SERHL2: variants seen among roughly 807,000 people sequenced by gnomAD.
The protein encoded by SERHL2 is serine hydrolase-like protein 2.
In SERHL2, 29 loss-of-function variants were observed where a neutral mutation model predicts 25.5. The observed-to-expected ratio is 1.14, with a 90% CI of 0.85 to 1.55. The LOEUF (loss-of-function observed/expected upper bound fraction) is 1.55. Among genes scored for constraint, SERHL2 ranks in the 40% most tolerant of loss-of-function variants. The probability of loss-of-function intolerance (pLI) is 0.00; values close to 1 mark genes in which losing one functional copy is unlikely to be tolerated. For synonymous variants in SERHL2, 95 were observed against 103.5 expected, an observed-to-expected ratio of 0.92 and a Z score of 0.50; for missense variants, 240 against 252.3, an observed-to-expected ratio of 0.95 and a Z score of 0.33.
intron 1 of SERHL2, among the ~76,000 whole-genome samples, chr22:42,554,485 C>A (rs1921990418): frequency 6.6e-6 from 1 of 152,188 alleles, no homozygotes; most frequent in Admixed American, 6.5e-5. Flanking sequence ...GTGGTCCCAC[C>A]TGCTGCGTGT....
In SERHL2 at chr22:42,571,057, G is replaced by A. The variant is rs1924105631; in HGVS notation, c.649-64G>A. ...GACTTAGCCACCCCAACAGAGATGG[G>A]TTTCGTGCCCACGAGAGTGCCTGTG... On this transcript the variant is annotated intron_variant, in intron 9 of 11. Coordinates refer to ENST00000327678, the MANE Select transcript of SERHL2 (RefSeq NM_014509.5). The A allele has an allele frequency of 2.5e-5, 41 of 1,609,316 alleles. 1 individual carries two copies. The highest frequency in any genetic ancestry group is 2.0e-4 in the South Asian group (18 of 90,742).
At chr22:42,573,551 C>T (rs1450161266) in intron 11 of SERHL2, 6 of 214,936 alleles carry the variant, frequency 2.8e-5, no homozygotes, top group East Asian at 1.4e-4. Context: ...TGAGCCACTG[C>T]GCCCGGCCCT....
At chr22:42,566,386 G>A (rs376618622) in intron 9 of SERHL2, 48 bp downstream of exon 9, 142 of 1,596,892 alleles carry the variant, frequency 8.9e-5, no homozygotes, top group East Asian at 5.6e-4. Flanking sequence ...GCCTGTTAGC[G>A]TCTTTGTCGT....
intron 8 of SERHL2, among the ~76,000 whole-genome samples, 182 bp downstream of exon 8, chr22:42,560,447 A>G (rs1367541855): frequency 1.3e-5 from 2 of 152,018 alleles, no homozygotes; most frequent in South Asian, 2.1e-4. Context: ...AGCATTGCCA[A>G]GCAACCCGGG....
At position 42,554,029 on chromosome 22, in the gene SERHL2, G is replaced by A; in HGVS notation, c.9G>A (p.Glu3=). Residue 3 remains glutamate (E), a synonymous_variant, in exon 1 of 12, where the codon GAG becomes GAA. Transcript: ENST00000327678. The stretch of plus-strand genomic sequence containing the variant: ...TTCGCGGGACGAGAGCGATGAGTGA[G>A]AACGCCGCACCAGGTCTGACGGGGA... MS[E]NAAPGLISEL... 6.2e-7 allele frequency: 1 copy of A among 1,613,660 alleles called. No homozygotes were observed. The highest frequency in any genetic ancestry group is 8.5e-7 in the Non-Finnish European group (1 of 1,179,822).
rs1161252241 is a variant in SERHL2 at position 42,573,838 on chromosome 22, G to C, written c.826-98G>C. 3 of 1,151,792 alleles carry C rather than the reference G, an allele frequency of 2.6e-6. No homozygotes were observed. In the Admixed American group the frequency reaches 6.5e-5, roughly 25 times the overall value. 71.3% of individuals were successfully genotyped at this position (1,151,792 alleles called of 1,614,324 possible). A position where few individuals can be genotyped will look rare whatever the true frequency, so the allele number is the denominator to read the frequency against. ...TGTGGGAGGCGCTCCTGACCTGCAG[G>C]GAGCTGGAATGCTGTGGGAGGGCCC... is the stretch of plus-strand genomic sequence containing the variant. On this transcript the variant is annotated intron_variant, in intron 11 of 11. Coordinates refer to ENST00000327678, the MANE Select transcript of SERHL2 (RefSeq NM_014509.5).
intron 11 of SERHL2, chr22:42,573,643 T>C (rs557673236): frequency 2.5e-6 from 1 of 400,042 alleles, no homozygotes; most frequent in Admixed American, 3.8e-5. Flanking sequence ...GTACCTCTTC[T>C]GATACAATCA....
chr22:42,559,229 TAAAAA>T lies in SERHL2; in HGVS notation c.533+795_533+799del, dbSNP rs1194822216. On this transcript the variant is annotated intron_variant, in intron 7 of 11. Coordinates refer to ENST00000327678, the MANE Select transcript of SERHL2 (RefSeq NM_014509.5). Reference sequence around the variant, plus strand: ...GAGCGAGATAGCGAGACCCTGTATTTAAAAAAAAAAAAAAAAAAAAAAAAAAATTA... The same window carrying T: ...GAGCGAGATAGCGAGACCCTGTATTTAAAAAAAAAAAAAAAAAAAAAATTA... Among the ~76,000 whole-genome samples, 68 of 69,300 alleles carry T rather than the reference TAAAAA, an allele frequency of 9.8e-4. 1 individual carries two copies. The Middle Eastern group carries it at 0.025, about 25-fold the overall frequency. 45.5% of individuals were successfully genotyped at this position (69,300 alleles called of 152,430 possible).
At chr22:42,569,125 T>G (rs1923803433) in intron 9 of SERHL2, 1 of 146,996 alleles carries the variant, frequency 6.8e-6, no homozygotes, top group Non-Finnish European at 1.5e-5. Flanking sequence ...TCAGGTGATG[T>G]GAATTTTTTT....
At chr22:42,563,200 T>G (rs748993973) in intron 8 of SERHL2, among the ~76,000 whole-genome samples, 6 of 77,448 alleles carry the variant, frequency 7.7e-5, no homozygotes, top group African/African-American at 1.2e-4. Flanking sequence ...CTTTTTTTTT[T>G]TTTTTGTTGT....
intron 8 of SERHL2, among the ~76,000 whole-genome samples, chr22:42,561,682 T>C (rs758369533): frequency 6.6e-6 from 1 of 151,744 alleles, no homozygotes; most frequent in African/African-American, 2.4e-5. Flanking sequence ...TGAGTATTTT[T>C]AGTTGTCTTG....
At chr22:42,572,583 C>T in intron 11 of SERHL2, 54 bp downstream of exon 11, 12 of 1,593,732 alleles carry the variant, frequency 7.5e-6, no homozygotes, top group Non-Finnish European at 1.0e-5. Context: ...ACTCTGGTCC[C>T]ACCTCACCCA....
intron 9 of SERHL2, 54 bp from the exon 10 acceptor site, chr22:42,571,067 C>CACGAGAGTGCCTGTGCCTTGTG (rs1924108363): frequency 6.2e-7 from 1 of 1,611,232 alleles, no homozygotes; most frequent in African/African-American, 1.3e-5. Context: ...GTTTCGTGCC[C>CACGAGAGTGCCTGTGCCTTGTG]ACGAGAGTGC....
At chr22:42,573,803 G>A in intron 11 of SERHL2, 133 bp from the exon 12 acceptor site, 2 of 838,784 alleles carry the variant, frequency 2.4e-6, no homozygotes, top group Non-Finnish European at 3.9e-6. Flanking sequence ...CGAGTGTGGG[G>A]GAAACTCACT....
intron 9 of SERHL2, chr22:42,569,406 C>A (rs1338009578): frequency 6.6e-6 from 1 of 151,754 alleles, no homozygotes; most frequent in African/African-American, 2.4e-5. Context: ...TTACAGGCGC[C>A]TGACACCATG....
At chr22:42,565,470 C>A (rs966021133) in intron 8 of SERHL2, 1 of 151,860 alleles carries the variant, frequency 6.6e-6, no homozygotes, top group Non-Finnish European at 1.5e-5. Flanking sequence ...GGATTACAGG[C>A]ACCTGCCACT....
chr22:42,571,701 C>T (rs1335233007), intron 10 of SERHL2: 5 of 168,678 alleles, frequency 3.0e-5, no homozygotes, highest in South Asian at 1.6e-4. Context: ...GGATTACAGG[C>T]GTGAGCCACC....
intron 7 of SERHL2, among the ~76,000 whole-genome samples, chr22:42,559,907 G>A (rs1030706372): frequency 7.9e-5 from 12 of 151,824 alleles, no homozygotes; most frequent in Admixed American, 6.6e-4. Flanking sequence ...TGCCTCCTGG[G>A]TTCAAGTGAT....
chr22:42,561,116 C>A (rs560723430), intron 8 of SERHL2, among the ~76,000 whole-genome samples: 14 of 151,880 alleles, frequency 9.2e-5, no homozygotes, highest in Admixed American at 2.0e-4. Context: ...GGTGAACAGG[C>A]ACATGAGTGG....
Sources: gnomAD v4.1 joint callset for allele counts (sites outside exome capture counted in the v4.1 genomes callset) on GRCh38, gnomAD v4.1.1 for gene constraint, MANE v1.5 for transcripts, NCBI Gene and HGNC (gene_info 2026-07-23, HGNC 2026-07-21) for gene names.